OCIAD1: variants seen among roughly 807,000 people sequenced by gnomAD.
The protein encoded by OCIAD1 is OCIA domain-containing protein 1.
In OCIAD1, 29 loss-of-function variants were observed where a neutral mutation model predicts 38.9. The ratio of observed to expected loss-of-function variants is 0.74; its 90% CI spans 0.55 to 1.02. The LOEUF (loss-of-function observed/expected upper bound fraction) is 1.02, where lower values mean the gene tolerates loss of function less well. OCIAD1 is among the 50% of genes least tolerant of loss of function. The probability of loss-of-function intolerance (pLI) is 0.00; values close to 1 mark genes in which losing one functional copy is unlikely to be tolerated. For missense variants in OCIAD1, 288 were observed against 289.6 expected (o/e 0.99, Z 0.04); for synonymous variants, 110 against 92.0 (o/e 1.20, Z -1.12).
intron 7 of OCIAD1, among the ~76,000 whole-genome samples, chr4:48,855,012 C>G (rs1280121940): frequency 6.6e-6 from 1 of 152,180 alleles, no homozygotes; most frequent in African/African-American, 2.4e-5. Context: ...ATCATGTTCT[C>G]TCCATAGTGT....
intron 3 of OCIAD1, among the ~76,000 whole-genome samples, chr4:48,841,707 G>T (rs995140082): frequency 6.6e-6 from 1 of 152,002 alleles, no homozygotes; most frequent in African/African-American, 2.4e-5. Context: ...TTGATCACAG[G>T]GTTGGTCACT....
Position 48,857,338 on chromosome 4 carries a change from A to G in OCIAD1, c.673A>G (p.Met225Val), listed in dbSNP as rs770014607. ...TQKTDPSVRP[M>V]HERVPKKEVK... ...AAAGACTGACCCCTCAGTCAGGCCTATGCATGAAAGAGTGCCAAAAAAAGA... is the reference window on the plus strand; with the variant it reads ...AAAGACTGACCCCTCAGTCAGGCCTGTGCATGAAAGAGTGCCAAAAAAAGA... Residue 225 changes from methionine to valine, a missense_variant, in exon 8 of 9, where the codon ATG (methionine) becomes GTG (valine). Met to Val is a conservative substitution (Grantham distance 21). Transcript: ENST00000264312. 4 of 1,577,474 alleles carry G rather than the reference A, an allele frequency of 2.5e-6. No individual in the cohort carries two copies. The highest frequency in any genetic ancestry group is 2.4e-5 in the South Asian group (2 of 83,768).
At chr4:48,814,482 T>C (rs1404776987) in intron 1 of OCIAD1, among the ~76,000 whole-genome samples, 1 of 151,828 alleles carries the variant, frequency 6.6e-6, no homozygotes, top group Non-Finnish European at 1.5e-5. Context: ...ATATTGGAGA[T>C]AGAGCTGGAA....
chr4:48,842,106 A>C (rs954310196), intron 3 of OCIAD1, among the ~76,000 whole-genome samples: 1 of 152,196 alleles, frequency 6.6e-6, no homozygotes. Flanking sequence ...CAAATTACTT[A>C]ACATCTCTAA....
At chr4:48,829,534 C>A (rs1777321432), upstream of OCIAD1, among the ~76,000 whole-genome samples, 2 of 152,028 alleles carry the variant, frequency 1.3e-5, no homozygotes, top group African/African-American at 4.8e-5. Flanking sequence ...TTGTTTTAGA[C>A]CATAACAAAT....
chr4:48,819,624 A>C (rs1326969813), intron 1 of OCIAD1, among the ~76,000 whole-genome samples: 2 of 149,006 alleles, frequency 1.3e-5, no homozygotes, highest in Admixed American at 1.4e-4. Flanking sequence ...AAGAGTCAAG[A>C]CCCCTCAGTG....
intron 4 of OCIAD1, among the ~76,000 whole-genome samples, chr4:48,843,307 A>G (rs1194766619): frequency 6.6e-6 from 1 of 152,200 alleles, no homozygotes; most frequent in Non-Finnish European, 1.5e-5. Flanking sequence ...GTAGTGGAGT[A>G]AGCAGTAGAG....
At chr4:48,806,312 A>T (rs1435164030) in intron 1 of OCIAD1, among the ~76,000 whole-genome samples, 1 of 152,198 alleles carries the variant, frequency 6.6e-6, no homozygotes, top group African/African-American at 2.4e-5. Flanking sequence ...TAAAGAAAAT[A>T]TTCTAGTTTT....
intron 1 of OCIAD1, among the ~76,000 whole-genome samples, chr4:48,823,824 CTTTTTTTT>C (rs71660459): frequency 1.4e-5 from 1 of 70,130 alleles, no homozygotes; most frequent in Admixed American, 2.4e-4. Context: ...CAATGCCTGG[CTTTTTTTT>C]TTTTTTTTTT....
Position 48,814,564 on chromosome 4 carries a change from G to A in OCIAD1, c.-103+9234G>A, listed in dbSNP as rs75423805. Reference sequence around the variant, plus strand: ...AGAGCTGGAATAATGATCACTGGAAGCCCTATTTTCCCCTTAAAAATAAAC... The same window carrying A: ...AGAGCTGGAATAATGATCACTGGAAACCCTATTTTCCCCTTAAAAATAAAC... On this transcript the variant is annotated intron_variant, in intron 1 of 6. Coordinates refer to the OCIAD1 transcript ENST00000504654. Among the ~76,000 whole-genome samples, 1,279 of 152,134 alleles carry A rather than the reference G, an allele frequency of 8.4e-3. 29 individuals are homozygous for A. The highest frequency in any genetic ancestry group is 0.05 in the Admixed American group (763 of 15,264).
At chr4:48,805,486 G>A (rs1777015060) in intron 1 of OCIAD1, among the ~76,000 whole-genome samples, 1 of 152,246 alleles carries the variant, frequency 6.6e-6, no homozygotes. Flanking sequence ...CTATACAGAT[G>A]GTAAGCAATT....
At chr4:48,831,599 T>G in intron 1 of OCIAD1, 1 of 1,258,346 alleles carries the variant, frequency 7.9e-7, no homozygotes, top group Non-Finnish European at 1.0e-6. Context: ...CTTAAAATGG[T>G]ATTGTCTTAA....
At chr4:48,834,266 G>T (rs1467419072) in intron 3 of OCIAD1, among the ~76,000 whole-genome samples, 1 of 152,138 alleles carries the variant, frequency 6.6e-6, no homozygotes, top group East Asian at 1.9e-4. Context: ...CTGCCTCCTG[G>T]GTTCAAGCGA....
chr4:48,811,005 A>G (rs1431130737), intron 1 of OCIAD1, among the ~76,000 whole-genome samples: 3 of 150,380 alleles, frequency 2.0e-5, no homozygotes, highest in Non-Finnish European at 4.4e-5. Context: ...ACAGGCACAC[A>G]CTACCATGTC....
chr4:48,819,595 C>T (rs1240547673), intron 1 of OCIAD1, among the ~76,000 whole-genome samples: 1 of 151,718 alleles, frequency 6.6e-6, no homozygotes, highest in Admixed American at 6.6e-5. Context: ...TTAAAAGACA[C>T]AGACTGGCAA....
At chr4:48,858,029 C>CTGT (rs1780239150) in intron 8 of OCIAD1, among the ~76,000 whole-genome samples, 1 of 152,064 alleles carries the variant, frequency 6.6e-6, no homozygotes, top group Non-Finnish European at 1.5e-5. Flanking sequence ...TGGTGCATGC[C>CTGT]TGTAATCCTA....
At chr4:48,813,268 TTC>T (rs1235005898) in intron 1 of OCIAD1, among the ~76,000 whole-genome samples, 2 of 152,102 alleles carry the variant, frequency 1.3e-5, no homozygotes, top group Non-Finnish European at 2.9e-5. Flanking sequence ...GGTGTGGGGG[TTC>T]CCTTTACTTG....
chr4:48,839,788 T>C (rs1373809686), intron 3 of OCIAD1, among the ~76,000 whole-genome samples: 3 of 151,994 alleles, frequency 2.0e-5, no homozygotes, highest in South Asian at 4.1e-4. Context: ...AGTTTGGGAC[T>C]GTGGTAATAA....
At chr4:48,814,058 A>G (rs1159660058) in intron 1 of OCIAD1, among the ~76,000 whole-genome samples, 1 of 152,158 alleles carries the variant, frequency 6.6e-6, no homozygotes, top group Non-Finnish European at 1.5e-5. Context: ...AACCAGCTAC[A>G]TGCAGCTGCA....
Sources: allele counts gnomAD v4.1 joint callset (sites outside exome capture counted in the v4.1 genomes callset), GRCh38; gene constraint gnomAD v4.1.1; transcripts MANE v1.5; gene names NCBI Gene and HGNC (gene_info 2026-07-23, HGNC 2026-07-21).